Variants in RNF213 observed in about 807,000 individuals in gnomAD.
RNF213 encodes E3 ubiquitin-protein ligase RNF213.
Under a neutral mutation model 514.4 loss-of-function variants are expected in RNF213, and 341 were observed. That is an observed-to-expected ratio of 0.66 (90% CI 0.61 to 0.73). The LOEUF (loss-of-function observed/expected upper bound fraction) is 0.73, where lower values mean the gene tolerates loss of function less well. RNF213 is among the 30% of genes least tolerant of loss of function. The pLI is 0.00. For missense variants in RNF213, 5,767 were observed against 6,615.6 expected (o/e 0.87, Z 4.45); for synonymous variants, 2,655 against 2,658.2 (o/e 1.00, Z 0.04).
chr17:80,317,300 CTT>C lies in RNF213; in HGVS notation c.2901+26_2901+27del. ...AAGGTACCAAAAGTTTGGGGGCAGT[CTT>C]TTCAGGGCGTGAAGGCAAGCTGGAG... is the stretch of plus-strand genomic sequence containing the variant. On this transcript the variant is annotated intron_variant, in intron 16 of 67. Coordinates refer to ENST00000582970, the MANE Select transcript of RNF213 (RefSeq NM_001256071.3). This position sits in a 1 kb window ranked among gnomAD's most constrained non-coding sequence, Gnocchi z 4.1. 7 of 1,605,322 alleles carry C rather than the reference CTT, an allele frequency of 4.4e-6. No individual in the cohort carries two copies. Among genetic ancestry groups the C allele is most frequent in the Non-Finnish European group, 6.0e-6 (7 of 1,176,048 alleles).
intron 6 of RNF213, among the ~76,000 whole-genome samples, chr17:80,290,319 G>A (rs548870148): frequency 6.6e-5 from 10 of 152,066 alleles, no homozygotes; most frequent in African/African-American, 1.4e-4. Context: ...GTGCGTGTGC[G>A]TTCACGTGTG....
intron 46 of RNF213, among the ~76,000 whole-genome samples, chr17:80,371,290 C>T (rs1376448247): frequency 6.6e-6 from 1 of 152,220 alleles, no homozygotes; most frequent in Non-Finnish European, 1.5e-5. Flanking sequence ...CCACAATCAG[C>T]TGCAAAAACT....
rs185456778 is a variant in RNF213 at position 80,279,991 on chromosome 17, A to G, written c.261+6587A>G. ...ACCGCGCTCCCCCCAGCCCCTGCCCATCGAGATGGTCATGTGTTCATTGAA... is the reference window on the plus strand; with the variant it reads ...ACCGCGCTCCCCCCAGCCCCTGCCCGTCGAGATGGTCATGTGTTCATTGAA... On this transcript the variant is annotated intron_variant, in intron 3 of 67. Coordinates refer to ENST00000582970, the MANE Select transcript of RNF213 (RefSeq NM_001256071.3). 8.5e-5 allele frequency among the ~76,000 whole-genome samples: 13 copies of G among 152,254 alleles called. No homozygotes were observed. The East Asian group carries it at 2.5e-3, about 29-fold the overall frequency.
chr17:80,285,669 A>G (rs938212557), intron 3 of RNF213, among the ~76,000 whole-genome samples: 5 of 147,442 alleles, frequency 3.4e-5, no homozygotes, highest in Non-Finnish European at 7.5e-5. Flanking sequence ...CTGCTTCTGC[A>G]GTTGCTTTTT....
rs796094991 is a variant in RNF213, at chr17:80,264,385, G to A, written c.97+607G>A. On this transcript the variant is annotated intron_variant, in intron 2 of 67. Coordinates refer to ENST00000582970, the MANE Select transcript of RNF213 (RefSeq NM_001256071.3). This position sits in a 1 kb window ranked among gnomAD's most constrained non-coding sequence, Gnocchi z 5.0. ...GGGAGGCCAGTGGAGAGACAGGAGC[G>A]GGGCAGTGTCAGGCGGGCCTTGCCT... is the stretch of plus-strand genomic sequence containing the variant. Among the ~76,000 whole-genome samples the A allele has an allele frequency of 9.2e-5, 14 of 152,202 alleles. No individual in the cohort carries two copies. Among genetic ancestry groups the A allele is most frequent in the African/African-American group, 2.9e-4 (12 of 41,526 alleles).
intron 2 of RNF213, among the ~76,000 whole-genome samples, chr17:80,269,542 C>G (rs1374317752): frequency 6.6e-6 from 1 of 151,680 alleles, no homozygotes; most frequent in Non-Finnish European, 1.5e-5. Flanking sequence ...TTCATCCATT[C>G]ATCTATCCAT....
intron 36 of RNF213, 104 bp from the exon 37 acceptor site, chr17:80,358,184 A>G (rs2078904090): frequency 2.3e-6 from 2 of 881,588 alleles, no homozygotes; most frequent in Non-Finnish European, 3.7e-6. Context: ...ATAGTAGACT[A>G]GTTGTTTTGT....
rs1346290105 is a variant in RNF213 at position 80,397,399 on chromosome 17, A to C, written c.*3901A>C. On this transcript the variant is annotated 3_prime_UTR_variant, in exon 68 of 68. Coordinates refer to ENST00000582970, the MANE Select transcript of RNF213 (RefSeq NM_001256071.3). Reference sequence around the variant, plus strand: ...CTCCAAAGAGAGAAGTAAAAACTAAAAGGCAGAAATGAAATCCACAAGCAG... The same window carrying C: ...CTCCAAAGAGAGAAGTAAAAACTAACAGGCAGAAATGAAATCCACAAGCAG... The C allele has an allele frequency of 1.3e-5, 2 of 152,124 alleles. No individual in the cohort carries two copies. Among genetic ancestry groups the C allele is most frequent in the African/African-American group, 2.4e-5 (1 of 41,416 alleles). 9.4% of individuals were successfully genotyped at this position (152,124 alleles called of 1,614,324 possible).
At chr17:80,370,067 C>T (rs544746780) in intron 46 of RNF213, among the ~76,000 whole-genome samples, 200 bp downstream of exon 46, 68 of 152,258 alleles carry the variant, frequency 4.5e-4, no homozygotes, top group African/African-American at 1.6e-3. Context: ...TTTAGTATTC[C>T]CACAAGCACA....
chr17:80,393,627 T>A lies in RNF213; in HGVS notation c.*129T>A. 9.6e-7 allele frequency: 1 copy of A among 1,045,546 alleles called. No individual in the cohort carries two copies. Among genetic ancestry groups the A allele is most frequent in the Non-Finnish European group, 1.4e-6 (1 of 706,608 alleles). The allele number at this position is 1,045,546 out of a possible 1,614,324, so 64.8% of individuals were successfully genotyped here. On this transcript the variant is annotated 3_prime_UTR_variant, in exon 68 of 68. Coordinates refer to ENST00000582970, the MANE Select transcript of RNF213 (RefSeq NM_001256071.3). ...GAGAGCTGTCAGCGTAGCACCGAAT[T>A]CAAGACCAAGGCGTGCTACCTGAGC...
At chr17:80,301,666 G>A (rs961272312) in intron 11 of RNF213, among the ~76,000 whole-genome samples, 4 of 152,210 alleles carry the variant, frequency 2.6e-5, no homozygotes, top group South Asian at 4.1e-4. Flanking sequence ...ATGTGGGAAA[G>A]AGAAACTCTC....
chr17:80,360,223 A>C lies in RNF213; in HGVS notation c.11200+17A>C. ...ACGCAGAAGGTGAGGCTACCTCAAG[A>C]CAGGTCAGATTCAGCACAGGTGAAT... On this transcript the variant is annotated intron_variant, in intron 38 of 67. Transcript: ENST00000582970. The C allele has an allele frequency of 6.2e-7, 1 of 1,608,358 alleles. No homozygotes were observed. The highest frequency in any genetic ancestry group is 8.5e-7 in the Non-Finnish European group (1 of 1,177,318).
At chr17:80,319,142 A>G in intron 16 of RNF213, 48 bp from the exon 17 acceptor site, 1 of 1,614,044 alleles carries the variant, frequency 6.2e-7, no homozygotes, top group Non-Finnish European at 8.5e-7. Flanking sequence ...AGAGCACTGG[A>G]GCGCTGCATC....
intron 18 of RNF213, 105 bp downstream of exon 18, chr17:80,325,303 A>C: frequency 8.6e-7 from 1 of 1,163,870 alleles, no homozygotes. Context: ...CTGAATTGGG[A>C]TGGGCTGATG....
chr17:80,362,278 C>T (rs565725085), intron 39 of RNF213, among the ~76,000 whole-genome samples: 197 of 152,254 alleles, frequency 1.3e-3, no homozygotes, highest in African/African-American at 4.4e-3. Flanking sequence ...AAATTTTAAA[C>T]TTCAGTACAT....
chr17:80,312,325 G>A (rs1392491039), intron 14 of RNF213, among the ~76,000 whole-genome samples: 1 of 152,122 alleles, frequency 6.6e-6, no homozygotes, highest in African/African-American at 2.4e-5. Context: ...ATTACAGGAG[G>A]CTTTGAGCCC....
At chr17:80,382,641 C>T (rs958953527) in intron 57 of RNF213, 7 of 347,072 alleles carry the variant, frequency 2.0e-5, no homozygotes, top group South Asian at 1.4e-4. Flanking sequence ...TGTGGTCTGC[C>T]TCAGGGTTTG....
intron 14 of RNF213, 99 bp from the exon 15 acceptor site, chr17:80,312,913 G>T: frequency 7.2e-7 from 1 of 1,391,232 alleles, no homozygotes. Context: ...TCCTTGAGCA[G>T]CCTGTGCCAG....
chr17:80,287,566 G>T (rs2044515698), intron 3 of RNF213, among the ~76,000 whole-genome samples: 1 of 152,184 alleles, frequency 6.6e-6, no homozygotes, highest in Non-Finnish European at 1.5e-5. Context: ...CCGTGTGAGG[G>T]TCTCAGCCCG....
Sources: allele counts gnomAD v4.1 joint callset (sites outside exome capture counted in the v4.1 genomes callset), GRCh38; gene constraint gnomAD v4.1.1; non-coding constraint Gnocchi (gnomAD v3.1); transcripts MANE v1.5; gene names NCBI Gene and HGNC (gene_info 2026-07-23, HGNC 2026-07-21).